The following DCC variants were observed in gnomAD, a reference collection of about 807,000 sequenced individuals.
The protein encoded by DCC is DCC netrin 1 receptor.
A neutral mutation model predicts 172.5 loss-of-function variants in DCC; 58 were observed. That is an observed-to-expected ratio of 0.34 (90% CI 0.27 to 0.42). The LOEUF (loss-of-function observed/expected upper bound fraction) is 0.42. Ranked by LOEUF, DCC falls within the 10% of genes least tolerant of loss-of-function variation. The probability of loss-of-function intolerance (pLI) is 1.00; values close to 1 mark genes in which losing one functional copy is unlikely to be tolerated. For synonymous variants in DCC, 709 were observed against 644.5 expected, an observed-to-expected ratio of 1.10 and a Z score of -1.52; for missense variants, 1,740 against 1,791.0, an observed-to-expected ratio of 0.97 and a Z score of 0.51.
At chr18:53,289,661 TAAAA>T (rs200014740) in intron 12 of DCC, among the ~76,000 whole-genome samples, 2 of 152,162 alleles carry the variant, frequency 1.3e-5, no homozygotes, top group South Asian at 2.1e-4. Flanking sequence ...CAGACATTAA[TAAAA>T]AAAGATCATT....
chr18:53,036,459 G>A (rs1463126897), intron 5 of DCC, among the ~76,000 whole-genome samples: 1 of 151,976 alleles, frequency 6.6e-6, no homozygotes, highest in Non-Finnish European at 1.5e-5. Context: ...TTCACCTCTT[G>A]TTTATGAGCC....
chr18:52,517,522 A>G (rs2031680097), intron 1 of DCC, among the ~76,000 whole-genome samples: 1 of 152,242 alleles, frequency 6.6e-6, no homozygotes, highest in Admixed American at 6.5e-5. Flanking sequence ...AGACATCATC[A>G]TATCTAAACA....
intron 7 of DCC, among the ~76,000 whole-genome samples, chr18:53,091,861 ATAT>A (rs2043017885): frequency 3.2e-5 from 2 of 63,322 alleles, no homozygotes; most frequent in Non-Finnish European, 6.7e-5. Context: ...CAATCTATCT[ATAT>A]ATATATATAT....
At chr18:52,346,928 C>T (rs1306213002) in intron 1 of DCC, among the ~76,000 whole-genome samples, 1 of 152,158 alleles carries the variant, frequency 6.6e-6, no homozygotes, top group Admixed American at 6.5e-5. Context: ...CCATGGCCCT[C>T]CAGGGAGGAA....
chr18:53,174,547 C>T (rs1348922964), intron 8 of DCC, among the ~76,000 whole-genome samples: 1 of 150,732 alleles, frequency 6.6e-6, no homozygotes, highest in Non-Finnish European at 1.5e-5. Context: ...ACTACAAACA[C>T]CTCTACACAA....
chr18:53,366,674 A>G (rs537139348), intron 15 of DCC, among the ~76,000 whole-genome samples: 1 of 152,298 alleles, frequency 6.6e-6, no homozygotes, highest in African/African-American at 2.4e-5. Context: ...AATTACTTTA[A>G]TAATAGACTC....
chr18:52,566,597 C>T (rs1189788007), intron 1 of DCC, among the ~76,000 whole-genome samples: 2 of 151,894 alleles, frequency 1.3e-5, no homozygotes, highest in Non-Finnish European at 2.9e-5. Context: ...TAGTTTTATA[C>T]CAATTTTGTA....
At chr18:53,487,364 G>C (rs547740192) in intron 26 of DCC, among the ~76,000 whole-genome samples, 4 of 152,130 alleles carry the variant, frequency 2.6e-5, no homozygotes, top group Non-Finnish European at 4.4e-5. Flanking sequence ...GAATGCTTTA[G>C]ATTTCTTTAA....
intron 7 of DCC, among the ~76,000 whole-genome samples, chr18:53,100,661 C>T (rs962298354): frequency 6.7e-6 from 1 of 149,994 alleles, no homozygotes; most frequent in Non-Finnish European, 1.5e-5. Flanking sequence ...AAGGGAAAGC[C>T]GGAGGGAGGG....
intron 5 of DCC, among the ~76,000 whole-genome samples, chr18:53,042,153 G>A (rs915008434): frequency 6.6e-6 from 1 of 151,894 alleles, no homozygotes; most frequent in African/African-American, 2.4e-5. Flanking sequence ...GTCATAAATA[G>A]ATCTTATTAT....
At chr18:53,466,033 G>C (rs988747041) in intron 24 of DCC, among the ~76,000 whole-genome samples, 8 of 152,108 alleles carry the variant, frequency 5.3e-5, no homozygotes, top group Non-Finnish European at 1.0e-4. Context: ...CAAAGTGCTG[G>C]GATTACAGGC....
intron 1 of DCC, among the ~76,000 whole-genome samples, chr18:52,691,712 A>G (rs537189235): frequency 7.2e-5 from 11 of 152,274 alleles, no homozygotes; most frequent in East Asian, 3.9e-4. Context: ...AAATAAGTTT[A>G]TATTCACAGG....
chr18:52,797,300 T>C (rs1297250556), intron 2 of DCC, among the ~76,000 whole-genome samples: 1 of 152,256 alleles, frequency 6.6e-6, no homozygotes, highest in African/African-American at 2.4e-5. Flanking sequence ...TTTTGTTCTT[T>C]TGGAGGCATC....
At chr18:52,682,235 T>C (rs2035760640) in intron 1 of DCC, among the ~76,000 whole-genome samples, 1 of 152,086 alleles carries the variant, frequency 6.6e-6, no homozygotes, top group Non-Finnish European at 1.5e-5. Context: ...ACACATTACC[T>C]ATTTGGATGT....
At chr18:53,284,839 G>A (rs1209101323) in intron 12 of DCC, among the ~76,000 whole-genome samples, 2 of 152,172 alleles carry the variant, frequency 1.3e-5, no homozygotes, top group Non-Finnish European at 2.9e-5. Context: ...ATCAGGCTGA[G>A]GTGGTCTCAG....
At chr18:53,517,386 C>G (rs1168880153) in intron 27 of DCC, among the ~76,000 whole-genome samples, 4 of 151,528 alleles carry the variant, frequency 2.6e-5, no homozygotes, top group African/African-American at 9.7e-5. Flanking sequence ...CAGCATGGCA[C>G]ATGTATACAT....
intron 2 of DCC, among the ~76,000 whole-genome samples, chr18:52,775,579 C>G (rs182381185): frequency 5.2e-4 from 79 of 152,318 alleles, no homozygotes; most frequent in African/African-American, 1.9e-3. Context: ...TGCTGGGTGG[C>G]CCCAGCTTTC....
At chr18:53,359,949 A>G (rs1379866072) in intron 15 of DCC, among the ~76,000 whole-genome samples, 1 of 152,120 alleles carries the variant, frequency 6.6e-6, no homozygotes, top group African/African-American at 2.4e-5. Context: ...GCTCAGAATG[A>G]TATGAATCCT....
At chr18:52,512,646 T>C (rs2031483807) in intron 1 of DCC, among the ~76,000 whole-genome samples, 1 of 152,210 alleles carries the variant, frequency 6.6e-6, no homozygotes, top group African/African-American at 2.4e-5. Context: ...TATTCAGTCA[T>C]ACATACCATA....
Sources: gnomAD v4.1 joint callset for allele counts (sites outside exome capture counted in the v4.1 genomes callset) on GRCh38, gnomAD v4.1.1 for gene constraint, MANE v1.5 for transcripts, NCBI Gene and HGNC (gene_info 2026-07-23, HGNC 2026-07-21) for gene names.